The following JMY variants were observed in gnomAD, a reference collection of about 807,000 sequenced individuals.
JMY encodes the protein junction mediating and regulatory protein, p53 cofactor.
Under a neutral mutation model 103.3 loss-of-function variants are expected in JMY, and 46 were observed. The observed-to-expected ratio is 0.45, with a 90% CI of 0.35 to 0.57. JMY has a LOEUF of 0.57. JMY is among the 20% of genes least tolerant of loss of function. The probability of loss-of-function intolerance (pLI) is 0.00; values close to 1 mark genes in which losing one functional copy is unlikely to be tolerated. For synonymous variants in JMY, 526 were observed against 489.3 expected, an observed-to-expected ratio of 1.07 and a Z score of -0.99; for missense variants, 1,238 against 1,255.2, an observed-to-expected ratio of 0.99 and a Z score of 0.21.
intron 1 of JMY, among the ~76,000 whole-genome samples, chr5:79,251,048 G>A (rs1183858084): frequency 6.6e-6 from 1 of 152,062 alleles, no homozygotes; most frequent in Non-Finnish European, 1.5e-5. Flanking sequence ...AGAAGAGTAT[G>A]TAGGTATTTG....
intron 2 of JMY, among the ~76,000 whole-genome samples, chr5:79,283,009 A>T (rs778948939): frequency 1.3e-5 from 2 of 149,860 alleles, no homozygotes; most frequent in Non-Finnish European, 3.0e-5. Flanking sequence ...AATTATTATT[A>T]TTTTGAGACG....
At position 79,319,605 on chromosome 5, in the gene JMY, G is replaced by A. The variant is rs192993150; in HGVS notation, c.*4-2001G>A. On this transcript the variant is annotated intron_variant, in intron 10 of 10. Transcript: ENST00000396137. ...CTCTTTTTTTCTTTTCTTCAAGACT[G>A]AGTTTCACTCTTGTTGCCCAAGCTG... 9.7e-4 allele frequency among the ~76,000 whole-genome samples: 145 copies of A among 149,318 alleles called. 1 individual carries two copies. The highest frequency in any genetic ancestry group is 1.5e-3 in the Admixed American group (23 of 14,972).
chr5:79,291,320 T>C, intron 4 of JMY, 21 bp downstream of exon 4: 1 of 1,521,350 alleles, frequency 6.6e-7, no homozygotes, highest in Non-Finnish European at 8.8e-7. Context: ...TCATCAGAAA[T>C]ATAAAATCAG....
At chr5:79,250,987 A>T (rs1745069313) in intron 1 of JMY, among the ~76,000 whole-genome samples, 1 of 152,022 alleles carries the variant, frequency 6.6e-6, no homozygotes, top group Non-Finnish European at 1.5e-5. Flanking sequence ...ATAATTCTTC[A>T]CTTTTATTTC....
intron 2 of JMY, chr5:79,284,898 CT>C (rs780312706): frequency 2.0e-5 from 31 of 1,553,686 alleles, no homozygotes; most frequent in Non-Finnish European, 2.5e-5. Flanking sequence ...TCGTAAGGTG[CT>C]TGTTCTTGCC....
At chr5:79,316,721 C>A (rs1047662362) in intron 10 of JMY, among the ~76,000 whole-genome samples, 2 of 151,760 alleles carry the variant, frequency 1.3e-5, no homozygotes, top group African/African-American at 4.8e-5. Flanking sequence ...GCCTGGCCAA[C>A]ATGGTGAAAC....
intron 2 of JMY, among the ~76,000 whole-genome samples, chr5:79,287,004 G>A (rs1358540215): frequency 2.6e-5 from 4 of 152,132 alleles, no homozygotes; most frequent in Admixed American, 1.3e-4. Context: ...CATAGAGGAG[G>A]AACCCCGTGG....
chr5:79,303,907 G>A (rs1035435762), intron 6 of JMY, among the ~76,000 whole-genome samples: 1 of 151,988 alleles, frequency 6.6e-6, no homozygotes, highest in Non-Finnish European at 1.5e-5. Flanking sequence ...AGTGACTGAC[G>A]GAATAGCAAA....
rs1399471000 is a variant in JMY at position 79,324,853 on chromosome 5, A to G, written c.*3251A>G. ...ATAGAAATGTAGAGCTTTTCTCATA[A>G]CACAAAACCAGAAAATAATTTTCAG... On this transcript the variant is annotated 3_prime_UTR_variant, in exon 11 of 11. Coordinates refer to ENST00000396137, the MANE Select transcript of JMY (RefSeq NM_152405.5). 6.5e-6 allele frequency: 1 copy of G among 152,674 alleles called. No individual in the cohort carries two copies. The highest frequency in any genetic ancestry group is 1.5e-5 in the Non-Finnish European group (1 of 68,044). The allele number at this position is 152,674 out of a possible 1,614,324, so 9.5% of individuals were successfully genotyped here.
chr5:79,301,312 T>G (rs929134952), intron 6 of JMY, among the ~76,000 whole-genome samples: 14 of 152,224 alleles, frequency 9.2e-5, no homozygotes, highest in Non-Finnish European at 1.8e-4. Flanking sequence ...AAAAATGTTT[T>G]GCACTCTAGT....
At chr5:79,321,179 G>T (rs11958970) in intron 10 of JMY, among the ~76,000 whole-genome samples, 18,432 of 152,172 alleles carry the variant, frequency 0.12, 3,010 homozygotes, top group African/African-American at 0.38. Context: ...ACGCCCCATA[G>T]ATCTTAAGCA....
intron 1 of JMY, among the ~76,000 whole-genome samples, chr5:79,247,880 T>C (rs1338719767): frequency 2.0e-5 from 3 of 146,684 alleles, no homozygotes; most frequent in African/African-American, 8.0e-5. Flanking sequence ...TTTTATTTTA[T>C]TTTATATTTT....
chr5:79,304,825 G>A (rs1274147318), intron 6 of JMY, among the ~76,000 whole-genome samples: 2 of 152,266 alleles, frequency 1.3e-5, no homozygotes, highest in East Asian at 3.9e-4. Context: ...TCTGACCTCT[G>A]TTCTAGATAA....
chr5:79,318,888 T>G (rs150938543), intron 10 of JMY, among the ~76,000 whole-genome samples: 42 of 152,272 alleles, frequency 2.8e-4, no homozygotes, highest in African/African-American at 9.4e-4. Context: ...GTAGGTTGTC[T>G]CCCACTTTAC....
At chr5:79,314,087 G>C (rs544923351) in intron 8 of JMY, among the ~76,000 whole-genome samples, 170 bp from the exon 9 acceptor site, 7 of 152,206 alleles carry the variant, frequency 4.6e-5, no homozygotes, top group African/African-American at 1.7e-4. Context: ...TCAAACTCCT[G>C]ATCTCAGGTG....
At chr5:79,306,240 A>G (rs992595998) in intron 6 of JMY, 135 bp from the exon 7 acceptor site, 12 of 626,808 alleles carry the variant, frequency 1.9e-5, no homozygotes, top group Non-Finnish European at 2.8e-5. Flanking sequence ...AGTTGTCCAA[A>G]TAAGAAACAA....
chr5:79,307,342 T>A (rs1268879127), intron 7 of JMY, among the ~76,000 whole-genome samples: 2 of 152,238 alleles, frequency 1.3e-5, no homozygotes, highest in Non-Finnish European at 2.9e-5. Flanking sequence ...CCATAGTGGC[T>A]GTTCCATTTT....
rs747903528 is a variant in JMY, at chr5:79,281,725, TG to T, written c.1206+3644del. Among the ~76,000 whole-genome samples, 17 of 152,262 alleles carry T rather than the reference TG, an allele frequency of 1.1e-4. No individual in the cohort carries two copies. The East Asian group carries it at 1.5e-3, about 14-fold the overall frequency. ...GGCACGAAGAATCTTTTGGAGTTGA[TG>T]GAAATGGTCAGTATTTGATTAATGT... On this transcript the variant is annotated intron_variant, in intron 2 of 10. Coordinates refer to ENST00000396137, the MANE Select transcript of JMY (RefSeq NM_152405.5).
intron 1 of JMY, among the ~76,000 whole-genome samples, chr5:79,251,858 T>C (rs1263770804): frequency 6.6e-6 from 1 of 152,172 alleles, no homozygotes; most frequent in Admixed American, 6.5e-5. Context: ...CACTGGAACC[T>C]CTGCCTCCTG....
Sources: gnomAD v4.1 joint callset for allele counts (sites outside exome capture counted in the v4.1 genomes callset) on GRCh38, gnomAD v4.1.1 for gene constraint, MANE v1.5 for transcripts, NCBI Gene and HGNC (gene_info 2026-07-23, HGNC 2026-07-21) for gene names.